Variants in MORC1 observed in about 807,000 individuals in gnomAD.
MORC1 encodes the protein MORC family CW-type zinc finger protein 1.
In MORC1, 59 loss-of-function variants were observed where a neutral mutation model predicts 134.9. The observed-to-expected ratio is 0.44, with a 90% CI of 0.35 to 0.54. The LOEUF (loss-of-function observed/expected upper bound fraction) is 0.54, where lower values mean the gene tolerates loss of function less well. MORC1 is among the 20% of genes least tolerant of loss of function. The pLI, the probability that MORC1 is intolerant of heterozygous loss-of-function variation, is 0.00. For synonymous variants in MORC1, 395 were observed against 391.7 expected (o/e 1.01, Z -0.10); for missense variants, 947 against 1,134.5 (o/e 0.83, Z 2.37).
chr3:109,007,242 G>T, intron 17 of MORC1, 151 bp from the exon 18 acceptor site: 1 of 593,040 alleles, frequency 1.7e-6, no homozygotes. Context: ...TTTAAGTTTA[G>T]ATATCCTGTA....
At chr3:109,046,538 A>G (rs537343093) in intron 14 of MORC1, among the ~76,000 whole-genome samples, 43 of 152,252 alleles carry the variant, frequency 2.8e-4, no homozygotes, top group South Asian at 1.9e-3. Context: ...TGTGTCCCCA[A>G]TACCTGGGTT....
At chr3:108,999,544 A>T (rs1173532003) in intron 21 of MORC1, among the ~76,000 whole-genome samples, 2 of 152,250 alleles carry the variant, frequency 1.3e-5, no homozygotes, top group African/African-American at 4.8e-5. Flanking sequence ...AAGTTAAGCT[A>T]AAGTCAGAAG....
intron 8 of MORC1, among the ~76,000 whole-genome samples, chr3:109,071,451 T>TA (rs2107711489): frequency 6.6e-6 from 1 of 152,304 alleles, no homozygotes; most frequent in African/African-American, 2.4e-5. Context: ...GTTGGGGATC[T>TA]TCAAGGTCTC....
At chr3:109,000,892 C>T (rs779662454) in intron 20 of MORC1, among the ~76,000 whole-genome samples, 56 of 152,144 alleles carry the variant, frequency 3.7e-4, no homozygotes, top group Non-Finnish European at 6.5e-4. Context: ...ATATTTCCTG[C>T]ACCTTCTCTG....
At chr3:109,062,479 G>GCAGTA (rs1452078960) in intron 10 of MORC1, among the ~76,000 whole-genome samples, 1 of 148,574 alleles carries the variant, frequency 6.7e-6, no homozygotes, top group East Asian at 2.0e-4. Flanking sequence ...GGAGTGCAGT[G>GCAGTA]GCGCGATCTC....
chr3:109,117,304 T>G (rs1297656412), intron 1 of MORC1, among the ~76,000 whole-genome samples: 1 of 128,394 alleles, frequency 7.8e-6, no homozygotes, highest in Non-Finnish European at 1.6e-5. Context: ...TTCCTATATT[T>G]AGTAAATCCA....
At chr3:109,046,074 T>C (rs1475015611) in intron 14 of MORC1, among the ~76,000 whole-genome samples, 1 of 152,240 alleles carries the variant, frequency 6.6e-6, no homozygotes, top group African/African-American at 2.4e-5. Context: ...TATATTTTAC[T>C]ACCCACAACT....
intron 17 of MORC1, among the ~76,000 whole-genome samples, chr3:109,007,343 C>T (rs1948564944): frequency 6.6e-6 from 1 of 152,174 alleles, no homozygotes; most frequent in Admixed American, 6.5e-5. Context: ...GAACAAGGCA[C>T]TGCTCTGTTG....
intron 8 of MORC1, among the ~76,000 whole-genome samples, chr3:109,087,353 C>T (rs934867593): frequency 2.0e-5 from 3 of 152,124 alleles, no homozygotes; most frequent in South Asian, 4.2e-4. Context: ...AAAGCTCCTT[C>T]GGCTAATAAA....
intron 8 of MORC1, among the ~76,000 whole-genome samples, chr3:109,072,674 G>C (rs1950343598): frequency 6.6e-6 from 1 of 152,152 alleles, no homozygotes; most frequent in African/African-American, 2.4e-5. Flanking sequence ...GTCCACTTAG[G>C]AAAGGGAGAT....
At chr3:108,966,470 T>C (rs1191145534) in intron 26 of MORC1, among the ~76,000 whole-genome samples, 3 of 152,140 alleles carry the variant, frequency 2.0e-5, no homozygotes, top group African/African-American at 7.2e-5. Context: ...CACGTAACTA[T>C]TAAGATCCAG....
Position 109,094,909 on chromosome 3 carries a change from C to A in MORC1, c.583G>T (p.Gly195Cys). 1 of 1,550,028 alleles carries A rather than the reference C, an allele frequency of 6.5e-7. No homozygotes were observed. The highest frequency in any genetic ancestry group is 8.6e-7 in the Non-Finnish European group (1 of 1,157,582). The change falls in exon 7 of 28, where the codon GGT becomes TGT. Residue 195 changes from glycine to cysteine, a missense_variant and splice_region_variant. Gly to Cys is a radical substitution (Grantham distance 159, BLOSUM62 -3). Around this residue, in one of 3 missense-constraint regions of MORC1, gnomAD observed 214 missense variants for 281.3 expected, o/e 0.76. Transcript: ENST00000232603. The stretch of plus-strand genomic sequence containing the variant: ...ATTGTCAGAGTTTTGATGATCTTAC[C>A]ACATTTTCCATAGATCACATCAAAC... Reference protein sequence around the residue: ...QQFDVIYGKCGTLLVIYNLKL... With the variant: ...QQFDVIYGKCCTLLVIYNLKL...
At chr3:109,009,483 C>A (rs1269635628) in intron 17 of MORC1, among the ~76,000 whole-genome samples, 1 of 152,138 alleles carries the variant, frequency 6.6e-6, no homozygotes, top group East Asian at 1.9e-4. Flanking sequence ...GGATTACAGG[C>A]GTGAGCCACC....
chr3:108,962,758 A>G (rs1202805352), intron 27 of MORC1, among the ~76,000 whole-genome samples: 1 of 151,964 alleles, frequency 6.6e-6, no homozygotes, highest in African/African-American at 2.4e-5. Flanking sequence ...GCTATAGAAG[A>G]TGGGCTCTTC....
At chr3:109,008,981 G>A (rs9810496) in intron 17 of MORC1, among the ~76,000 whole-genome samples, 39,169 of 151,856 alleles carry the variant, frequency 0.26, 5,264 homozygotes, top group Middle Eastern at 0.43. Context: ...TTGGTTAGCC[G>A]AATTATTTTT....
chr3:109,020,575 G>A (rs1320445175), intron 17 of MORC1, among the ~76,000 whole-genome samples: 1 of 152,070 alleles, frequency 6.6e-6, no homozygotes, highest in African/African-American at 2.4e-5. Flanking sequence ...GACCATCCTG[G>A]CTAACACGGT....
chr3:108,977,396 T>G (rs1318742456), intron 24 of MORC1, among the ~76,000 whole-genome samples: 2 of 152,188 alleles, frequency 1.3e-5, no homozygotes, highest in Non-Finnish European at 2.9e-5. Context: ...TACTATTATT[T>G]TTATGGAGAC....
At chr3:109,045,504 A>T (rs981152975) in intron 14 of MORC1, among the ~76,000 whole-genome samples, 9 of 152,148 alleles carry the variant, frequency 5.9e-5, no homozygotes, top group African/African-American at 1.4e-4. Context: ...GTTGAGAAGA[A>T]CCATGAGGCC....
At chr3:108,986,799 T>C in intron 22 of MORC1, 81 bp downstream of exon 22, 3 of 967,512 alleles carry the variant, frequency 3.1e-6, no homozygotes, top group Non-Finnish European at 4.5e-6. Context: ...CTGATCTATA[T>C]ATCAGGCTGT....
Sources: gnomAD v4.1 joint callset for allele counts (sites outside exome capture counted in the v4.1 genomes callset) on GRCh38, gnomAD v4.1.1 for gene constraint, gnomAD v4.1.1 regional missense constraint, MANE v1.5 for transcripts, NCBI Gene and HGNC (gene_info 2026-07-23, HGNC 2026-07-21) for gene names.